TNNT1: variants seen among roughly 807,000 people sequenced by gnomAD.
TNNT1 encodes the protein troponin T1, slow skeletal type.
TNNT1 carries 53 observed loss-of-function variants against 50.6 expected under a neutral mutation model. The ratio of observed to expected loss-of-function variants is 1.05; its 90% CI spans 0.84 to 1.32. The LOEUF is 1.32. TNNT1 is among the 40% of genes most tolerant of loss of function. The pLI, the probability that TNNT1 is intolerant of heterozygous loss-of-function variation, is 0.00. For synonymous variants in TNNT1, 142 were observed against 138.0 expected (o/e 1.03, Z -0.20); for missense variants, 348 against 381.7 (o/e 0.91, Z 0.74).
At chr19:55,136,911 G>A (rs1225034301) in intron 11 of TNNT1, among the ~76,000 whole-genome samples, 192 bp downstream of exon 11, 1 of 152,090 alleles carries the variant, frequency 6.6e-6, no homozygotes, top group East Asian at 1.9e-4. Context: ...CGGCAGCCAC[G>A]AAAAGTGGGT....
intron 4 of TNNT1, 38 bp downstream of exon 4, chr19:55,146,643 A>AC (rs2085559983): frequency 6.1e-6 from 3 of 492,432 alleles, no homozygotes; most frequent in Non-Finnish European, 9.3e-6. Context: ...CCGCCCCCCC[A>AC]CCCCCCAGCT....
intron 11 of TNNT1, among the ~76,000 whole-genome samples, chr19:55,135,828 A>C (rs575997752): frequency 6.6e-6 from 1 of 152,028 alleles, no homozygotes; most frequent in African/African-American, 2.4e-5. Flanking sequence ...CCCGGCCAAC[A>C]ATACTTTACA....
chr19:55,145,764 A>G (rs1302841205), intron 5 of TNNT1, among the ~76,000 whole-genome samples, 199 bp from the exon 6 acceptor site: 1 of 151,626 alleles, frequency 6.6e-6, no homozygotes, highest in East Asian at 2.0e-4. Flanking sequence ...TAAAGGAGGA[A>G]GAGGGTCACA....
chr19:55,139,440 T>C (rs1173496152), intron 9 of TNNT1, among the ~76,000 whole-genome samples: 2 of 152,230 alleles, frequency 1.3e-5, no homozygotes, highest in South Asian at 2.1e-4. Flanking sequence ...ACCAATTTAT[T>C]CTGGAGGTTC....
chr19:55,137,142 T>C lies in TNNT1; in HGVS notation c.572A>G (p.Lys191Arg). Residue 191 changes from lysine (K) to arginine (R), a missense_variant, in exon 11 of 14, where the codon AAG (lysine) becomes AGG (arginine). Transcript: ENST00000588981. The part of the protein sequence containing the change: ...MKVRILSERK[K>R]PLDIDYMGEE... ...CCCCATGTAGTCAATGTCCAGAGGC[T>C]TCTTACGCTCGGAGAGGATGCGCAC... The C allele has an allele frequency of 6.3e-7, 1 of 1,594,148 alleles. No homozygotes were observed. The highest frequency in any genetic ancestry group is 8.5e-7 in the Non-Finnish European group (1 of 1,169,662).
chr19:55,144,650 C>G (rs772103282), intron 6 of TNNT1, among the ~76,000 whole-genome samples: 3 of 152,230 alleles, frequency 2.0e-5, no homozygotes, highest in African/African-American at 4.8e-5. Context: ...GCTGCGCAGG[C>G]AGAGGGCACA....
At chr19:55,135,869 A>G (rs1191257921) in intron 11 of TNNT1, among the ~76,000 whole-genome samples, 1 of 152,100 alleles carries the variant, frequency 6.6e-6, no homozygotes, top group African/African-American at 2.4e-5. Flanking sequence ...GAGGGCCCAC[A>G]GCGCCCCCCA....
In TNNT1 at chr19:55,145,619, G is replaced by A. The variant is rs1033806619; in HGVS notation, c.107-54C>T. ...AATTAGCAAGAGTTTAGAGGAGAGGGGCTAGGCCTGACACACCCTGGGGAG... is the reference window on the plus strand; with the variant it reads ...AATTAGCAAGAGTTTAGAGGAGAGGAGCTAGGCCTGACACACCCTGGGGAG... On this transcript the variant is annotated intron_variant, in intron 5 of 13. Coordinates refer to ENST00000588981, the MANE Select transcript of TNNT1 (RefSeq NM_003283.6). 37 of 1,599,662 alleles carry A rather than the reference G, an allele frequency of 2.3e-5. No individual in the cohort carries two copies. The African/African-American group carries it at 4.4e-4, about 19-fold the overall frequency.
At chr19:55,142,936 G>T (rs1200216338) in intron 6 of TNNT1, among the ~76,000 whole-genome samples, 2 of 151,458 alleles carry the variant, frequency 1.3e-5, no homozygotes, top group Non-Finnish European at 2.9e-5. Context: ...GGCCAAGGTG[G>T]GCGAATCACT....
At chr19:55,133,151 C>T (rs546088677) in intron 13 of TNNT1, among the ~76,000 whole-genome samples, 191 bp from the exon 14 acceptor site, 3 of 151,814 alleles carry the variant, frequency 2.0e-5, no homozygotes, top group South Asian at 2.1e-4. Context: ...GTCAAAGCCT[C>T]GCTGACATGT....
chr19:55,134,245 T>G, intron 11 of TNNT1, 41 bp from the exon 12 acceptor site: 1 of 1,545,336 alleles, frequency 6.5e-7, no homozygotes, highest in Non-Finnish European at 8.7e-7. Flanking sequence ...CCAGAGAGGT[T>G]GTGGGAACCA....
chr19:55,144,208 C>G (rs2085508049), intron 6 of TNNT1, among the ~76,000 whole-genome samples: 1 of 151,928 alleles, frequency 6.6e-6, no homozygotes, highest in African/African-American at 2.4e-5. Context: ...GCTAGGATTA[C>G]AGGTGCCCAC....
chr19:55,145,324 A>AGAAGGG (rs2085527840), intron 6 of TNNT1: 2 of 595,570 alleles, frequency 3.4e-6, no homozygotes, highest in Non-Finnish European at 6.0e-6. Context: ...AAGGAGAAGG[A>AGAAGGG]GAAGGGGAAG....
chr19:55,145,276 A>G (rs1289715726), intron 6 of TNNT1: 1 of 512,070 alleles, frequency 2.0e-6, no homozygotes, highest in Non-Finnish European at 3.5e-6. Flanking sequence ...AGCCTGGGTA[A>G]CAGGGTGGAG....
Position 55,146,992 on chromosome 19 carries a change from C to G in TNNT1, c.46+16G>C. The G allele has an allele frequency of 8.7e-6, 14 of 1,603,404 alleles. No homozygotes were observed. Among genetic ancestry groups the G allele is most frequent in the Non-Finnish European group, 1.1e-5 (13 of 1,175,100 alleles). On this transcript the variant is annotated intron_variant, in intron 3 of 13. Transcript: ENST00000588981. ...GCGTGTCCCCATCCCATAGGGCCGG[C>G]CCACTCCCTACTCACCTTCCGGCTG...
chr19:55,141,480 G>A (rs1346169090), intron 7 of TNNT1, among the ~76,000 whole-genome samples, 178 bp from the exon 8 acceptor site: 3 of 151,962 alleles, frequency 2.0e-5, no homozygotes, highest in Non-Finnish European at 2.9e-5. Flanking sequence ...TCCCAAAGAC[G>A]GGAGTGGGGA....
intron 1 of TNNT1, chr19:55,148,026 A>G (rs569192845): frequency 2.0e-5 from 3 of 152,780 alleles, no homozygotes; most frequent in African/African-American, 7.2e-5. Context: ...TGGCACAGCC[A>G]GGAGGCTGCA....
At chr19:55,138,939 G>A (rs1334636694) in intron 9 of TNNT1, among the ~76,000 whole-genome samples, 2 of 152,164 alleles carry the variant, frequency 1.3e-5, no homozygotes, top group Non-Finnish European at 2.9e-5. Context: ...GCTGAGCCCC[G>A]TCTCCTTATG....
chr19:55,140,879 C>G lies in TNNT1; in HGVS notation c.387+4G>C. 1 of 1,613,182 alleles carries G rather than the reference C, an allele frequency of 6.2e-7. No individual in the cohort carries two copies. The highest frequency in any genetic ancestry group is 8.5e-7 in the Non-Finnish European group (1 of 1,179,904). ...TGGGCTCTCAGGGCAGGGGAGGCAC[C>G]CACCGCCAGCTTAGCCTGACGTTCG... On this transcript the variant is annotated splice_donor_region_variant and intron_variant, in intron 9 of 13. Transcript: ENST00000588981.
Sources: allele counts gnomAD v4.1 joint callset (sites outside exome capture counted in the v4.1 genomes callset), GRCh38; gene constraint gnomAD v4.1.1; transcripts MANE v1.5; gene names NCBI Gene and HGNC (gene_info 2026-07-23, HGNC 2026-07-21).